EXOC6: variants seen among roughly 807,000 people sequenced by gnomAD.
EXOC6 encodes the protein exocyst complex component 6, also known as SEC15-like 1.
In EXOC6, 60 loss-of-function variants were observed where a neutral mutation model predicts 112.5. The ratio of observed to expected loss-of-function variants is 0.53; its 90% CI spans 0.43 to 0.66. EXOC6 has a LOEUF of 0.66. Ranked by LOEUF, EXOC6 falls within the 30% of genes least tolerant of loss-of-function variation. EXOC6 has a pLI of 0.00. For missense variants in EXOC6, 855 were observed against 957.1 expected, an observed-to-expected ratio of 0.89 and a Z score of 1.41; for synonymous variants, 295 against 308.0, an observed-to-expected ratio of 0.96 and a Z score of 0.44.
upstream of EXOC6, among the ~76,000 whole-genome samples, chr10:92,846,385 A>G (rs1387012876): frequency 6.6e-6 from 1 of 152,226 alleles, no homozygotes; most frequent in Non-Finnish European, 1.5e-5. Context: ...CATTTTGCTC[A>G]TTATCATAGT....
chr10:92,845,932 C>T (rs1245567955), upstream of EXOC6, among the ~76,000 whole-genome samples: 2 of 152,348 alleles, frequency 1.3e-5, no homozygotes, highest in African/African-American at 4.8e-5. Flanking sequence ...AAGCGAAACT[C>T]TGTCTCGAAA....
intron 18 of EXOC6, among the ~76,000 whole-genome samples, chr10:92,986,904 C>T (rs1843033262): frequency 6.6e-6 from 1 of 151,638 alleles, no homozygotes; most frequent in Admixed American, 6.6e-5. Flanking sequence ...AAATTGAGAC[C>T]AGTGATTTAG....
At chr10:92,856,635 T>C (rs1390853100) in intron 1 of EXOC6, among the ~76,000 whole-genome samples, 2 of 152,208 alleles carry the variant, frequency 1.3e-5, no homozygotes, top group Non-Finnish European at 2.9e-5. Context: ...GAATGTTCCA[T>C]GTTCCCTTGA....
intron 1 of EXOC6, among the ~76,000 whole-genome samples, chr10:92,877,024 G>A (rs11187197): frequency 0.41 from 62,141 of 152,010 alleles, 13,245 homozygotes; most frequent in African/African-American, 0.51. Context: ...TAGAATCTGC[G>A]TAATGATTTT....
chr10:92,991,367 C>T (rs1056128718), intron 18 of EXOC6, among the ~76,000 whole-genome samples: 4 of 142,540 alleles, frequency 2.8e-5, no homozygotes, highest in Non-Finnish European at 6.0e-5. Flanking sequence ...ACCTGGGAGG[C>T]GGAGGTTGCA....
At chr10:93,050,244 C>T (rs567710773) in intron 20 of EXOC6, among the ~76,000 whole-genome samples, 13 of 152,222 alleles carry the variant, frequency 8.5e-5, no homozygotes, top group Admixed American at 3.9e-4. Context: ...GTGAGATAAT[C>T]ACTAGAACTA....
intron 13 of EXOC6, among the ~76,000 whole-genome samples, chr10:92,944,125 C>T (rs1361876550): frequency 6.6e-6 from 1 of 151,866 alleles, no homozygotes; most frequent in Non-Finnish European, 1.5e-5. Context: ...TGTATATGCA[C>T]TTTTTTTTAA....
At chr10:92,942,043 C>T (rs554556408) in intron 13 of EXOC6, among the ~76,000 whole-genome samples, 1 of 152,252 alleles carries the variant, frequency 6.6e-6, no homozygotes, top group South Asian at 2.1e-4. Context: ...ACCAGCTTAG[C>T]ACTTATCCCA....
At chr10:93,042,285 G>A (rs1294446143) in intron 20 of EXOC6, among the ~76,000 whole-genome samples, 1 of 152,164 alleles carries the variant, frequency 6.6e-6, no homozygotes, top group African/African-American at 2.4e-5. Context: ...TGTCATCTAA[G>A]ACAGCTGCTT....
chr10:92,871,138 C>T (rs1390019439), intron 1 of EXOC6, among the ~76,000 whole-genome samples: 1 of 152,092 alleles, frequency 6.6e-6, no homozygotes, highest in African/African-American at 2.4e-5. Flanking sequence ...TTTAGACTTT[C>T]TCTCTTGAGG....
chr10:93,013,987 A>G (rs1288038680), intron 19 of EXOC6, among the ~76,000 whole-genome samples: 1 of 152,224 alleles, frequency 6.6e-6, no homozygotes, highest in Non-Finnish European at 1.5e-5. Flanking sequence ...GGCAGATTAG[A>G]AATTTAAAAT....
chr10:92,844,434 C>T (rs984687624), upstream of EXOC6, among the ~76,000 whole-genome samples: 3 of 152,056 alleles, frequency 2.0e-5, no homozygotes, highest in Non-Finnish European at 4.4e-5. Context: ...GCCTTAAAAG[C>T]GCAGGATCCA....
At chr10:92,919,171 G>T (rs1444157108) in intron 7 of EXOC6, among the ~76,000 whole-genome samples, 1 of 152,056 alleles carries the variant, frequency 6.6e-6, no homozygotes, top group Non-Finnish European at 1.5e-5. Context: ...CTTTCCTGCT[G>T]GGAGCATCAC....
intron 18 of EXOC6, among the ~76,000 whole-genome samples, chr10:92,984,510 G>T (rs77154184): frequency 6.6e-6 from 1 of 151,740 alleles, no homozygotes; most frequent in Non-Finnish European, 1.5e-5. Flanking sequence ...TGGATCCCAG[G>T]CTTCTTGTTT....
At chr10:93,029,492 T>C (rs1845177858) in intron 20 of EXOC6, among the ~76,000 whole-genome samples, 1 of 152,232 alleles carries the variant, frequency 6.6e-6, no homozygotes, top group African/African-American at 2.4e-5. Flanking sequence ...GGGTTGTCTA[T>C]GTCTGACTGA....
At chr10:92,917,721 A>G (rs1851184967) in intron 7 of EXOC6, among the ~76,000 whole-genome samples, 1 of 152,106 alleles carries the variant, frequency 6.6e-6, no homozygotes, top group Admixed American at 6.5e-5. Flanking sequence ...TTATAGAGAC[A>G]GAGGTCTCAC....
chr10:92,896,081 G>GTT (rs1564809515), intron 4 of EXOC6, among the ~76,000 whole-genome samples: 1 of 84,398 alleles, frequency 1.2e-5, no homozygotes, highest in Admixed American at 1.3e-4. Flanking sequence ...GTATATATAT[G>GTT]TGTATATATA....
At chr10:92,866,672 A>G in intron 1 of EXOC6, among the ~76,000 whole-genome samples, 1 of 152,196 alleles carries the variant, frequency 6.6e-6, no homozygotes, top group East Asian at 1.9e-4. Flanking sequence ...TTATGTGATC[A>G]GTAAACCTGT....
chr10:92,997,673 T>A (rs1843556369), intron 19 of EXOC6, 58 bp downstream of exon 19: 8 of 1,454,228 alleles, frequency 5.5e-6, no homozygotes, highest in South Asian at 4.2e-5. Flanking sequence ...TTAAATTATA[T>A]GAAAAAATGT....
Sources: allele counts gnomAD v4.1 joint callset (sites outside exome capture counted in the v4.1 genomes callset), GRCh38; gene constraint gnomAD v4.1.1; transcripts MANE v1.5; gene names NCBI Gene and HGNC (gene_info 2026-07-23, HGNC 2026-07-21).